The following SLC35D2 variants were observed in gnomAD, a reference collection of about 807,000 sequenced individuals.
SLC35D2 encodes solute carrier family 35 member D2, also known as nucleotide sugar transporter SLC35D2.
SLC35D2 carries 43 observed loss-of-function variants against 41.8 expected under a neutral mutation model. The observed-to-expected ratio is 1.03, with a 90% CI of 0.81 to 1.33. The LOEUF is 1.33. Ranked by LOEUF, SLC35D2 falls within the 40% of genes most tolerant of loss-of-function variation. The pLI is 0.00. For missense variants in SLC35D2, 380 were observed against 408.4 expected (o/e 0.93, Z 0.60); for synonymous variants, 150 against 163.9 (o/e 0.92, Z 0.65).
chr9:96,346,740 G>A (rs562672553), intron 6 of SLC35D2, among the ~76,000 whole-genome samples: 7 of 151,788 alleles, frequency 4.6e-5, no homozygotes, highest in South Asian at 2.1e-4. Flanking sequence ...TTTGCTTGAC[G>A]CCTCCACACA....
intron 4 of SLC35D2, among the ~76,000 whole-genome samples, chr9:96,356,770 G>A (rs901770473): frequency 1.3e-5 from 2 of 150,602 alleles, no homozygotes; most frequent in South Asian, 2.1e-4. Context: ...AGCTACTTGG[G>A]AGGCTGAGGT....
chr9:96,362,110 A>G (rs1830301647), intron 3 of SLC35D2, among the ~76,000 whole-genome samples: 1 of 152,248 alleles, frequency 6.6e-6, no homozygotes, highest in Non-Finnish European at 1.5e-5. Flanking sequence ...AACACAGATG[A>G]ATTTCACCAT....
intron 8 of SLC35D2, 126 bp downstream of exon 8, chr9:96,343,778 G>A: frequency 1.8e-6 from 1 of 556,720 alleles, no homozygotes; most frequent in Non-Finnish European, 3.1e-6. Context: ...CAAACATCTT[G>A]TTATCATGTA....
intron 2 of SLC35D2, among the ~76,000 whole-genome samples, chr9:96,366,727 C>A (rs1216775501): frequency 6.6e-6 from 1 of 150,760 alleles, no homozygotes; most frequent in Non-Finnish European, 1.5e-5. Flanking sequence ...CCACCCACCT[C>A]GGCCTCCCAA....
downstream of SLC35D2, among the ~76,000 whole-genome samples, chr9:96,318,631 C>G (rs1277067598): frequency 6.6e-6 from 1 of 151,816 alleles, no homozygotes; most frequent in Non-Finnish European, 1.5e-5. Context: ...AAAAAATGCT[C>G]AACACCACTA....
chr9:96,362,899 C>T (rs1830334002), intron 3 of SLC35D2, among the ~76,000 whole-genome samples: 1 of 149,784 alleles, frequency 6.7e-6, no homozygotes, highest in Admixed American at 6.6e-5. Context: ...TGGGGTCTCA[C>T]TCTGTCGCCC....
downstream of SLC35D2, among the ~76,000 whole-genome samples, chr9:96,320,085 C>A (rs1828154570): frequency 6.6e-6 from 1 of 152,164 alleles, no homozygotes; most frequent in South Asian, 2.1e-4. Context: ...GAAAAGGCAC[C>A]CTATCCATTT....
rs1442277895 is a variant in SLC35D2, at chr9:96,345,282, T to C, written c.591+17A>G. 6 of 1,427,082 alleles carry C rather than the reference T, an allele frequency of 4.2e-6. No individual in the cohort carries two copies. The highest frequency in any genetic ancestry group is 4.9e-6 in the Non-Finnish European group (5 of 1,027,524). 88.4% of individuals were successfully genotyped at this position (1,427,082 alleles called of 1,614,324 possible). On this transcript the variant is annotated intron_variant, in intron 7 of 11. Coordinates refer to ENST00000253270, the MANE Select transcript of SLC35D2 (RefSeq NM_007001.3). ...GCCAGATGACAGAGCCAAAAAGCCA[T>C]AGGCAAGGTCTGGTACCTTTGGGTC...
chr9:96,319,480 G>A (rs1828137119), downstream of SLC35D2, among the ~76,000 whole-genome samples: 1 of 150,018 alleles, frequency 6.7e-6, no homozygotes, highest in South Asian at 2.1e-4. Context: ...GGATGGTAAA[G>A]TCTGTTATGT....
chr9:96,330,351 G>A (rs1474368695), intron 9 of SLC35D2, among the ~76,000 whole-genome samples: 2 of 152,126 alleles, frequency 1.3e-5, no homozygotes. Context: ...GCTTCACTGG[G>A]TTCCCAGGTA....
At chr9:96,344,529 A>AAG (rs745811048) in intron 7 of SLC35D2, among the ~76,000 whole-genome samples, 1 of 69,706 alleles carries the variant, frequency 1.4e-5, no homozygotes, top group African/African-American at 8.2e-5. Flanking sequence ...AAAAAAAAAA[A>AAG]GGCCATGCAG....
intron 9 of SLC35D2, among the ~76,000 whole-genome samples, chr9:96,325,540 G>A (rs1011378101): frequency 6.6e-6 from 1 of 152,126 alleles, no homozygotes; most frequent in Non-Finnish European, 1.5e-5. Flanking sequence ...AAAATTAGCC[G>A]GGCGTGGCGG....
intron 1 of SLC35D2, chr9:96,373,934 C>T (rs1830824016): frequency 1.3e-5 from 2 of 152,266 alleles, no homozygotes; most frequent in South Asian, 4.2e-4. Flanking sequence ...AGGAGAATAT[C>T]CTAAGATCTC....
chr9:96,315,648 T>C (rs747741993), intron 11 of SLC35D2, among the ~76,000 whole-genome samples: 16 of 152,102 alleles, frequency 1.1e-4, no homozygotes, highest in Non-Finnish European at 2.2e-4. Flanking sequence ...TTAGCCGGGA[T>C]GGTCTCCATC....
intron 6 of SLC35D2, 51 bp downstream of exon 6, chr9:96,351,052 A>G (rs745433288): frequency 1.5e-6 from 2 of 1,350,976 alleles, no homozygotes; most frequent in Non-Finnish European, 2.1e-6. Context: ...GGCTGGGCCT[A>G]TTGTCAAAGA....
chr9:96,379,068 C>T (rs1009322731), intron 1 of SLC35D2, among the ~76,000 whole-genome samples: 4 of 151,348 alleles, frequency 2.6e-5, no homozygotes, highest in African/African-American at 9.7e-5. Context: ...GGGGCCAAGG[C>T]GGATGGATTG....
chr9:96,358,393 G>A (rs1479922590), intron 4 of SLC35D2, among the ~76,000 whole-genome samples: 2 of 151,914 alleles, frequency 1.3e-5, no homozygotes, highest in Admixed American at 6.6e-5. Flanking sequence ...GAAAAAAAAT[G>A]ATTGTGAACT....
chr9:96,350,223 T>C (rs1432942153), intron 6 of SLC35D2, among the ~76,000 whole-genome samples: 1 of 152,096 alleles, frequency 6.6e-6, no homozygotes, highest in Non-Finnish European at 1.5e-5. Flanking sequence ...CAGGCTAGAA[T>C]GCAGTGGTGC....
intron 9 of SLC35D2, among the ~76,000 whole-genome samples, chr9:96,332,225 C>T (rs1304458340): frequency 1.3e-5 from 2 of 152,134 alleles, no homozygotes; most frequent in South Asian, 4.1e-4. Flanking sequence ...GGGCTCGCCT[C>T]GAGTCTGGAG....
Sources: allele counts gnomAD v4.1 joint callset (sites outside exome capture counted in the v4.1 genomes callset), GRCh38; gene constraint gnomAD v4.1.1; transcripts MANE v1.5; gene names NCBI Gene and HGNC (gene_info 2026-07-23, HGNC 2026-07-21).